Variants in NOX3 observed in about 807,000 individuals in gnomAD.
The protein encoded by NOX3 is NADPH oxidase 3.
Under a neutral mutation model 76.7 loss-of-function variants are expected in NOX3, and 74 were observed. The ratio of observed to expected loss-of-function variants is 0.96; its 90% CI spans 0.80 to 1.17. The LOEUF (loss-of-function observed/expected upper bound fraction) is 1.17. Ranked by LOEUF, NOX3 falls within the 50% of genes most tolerant of loss-of-function variation. NOX3 has a pLI of 0.00. For synonymous variants in NOX3, 263 were observed against 261.1 expected (o/e 1.01, Z -0.07); for missense variants, 695 against 703.3 (o/e 0.99, Z 0.13).
chr6:155,451,793 A>AT (rs1204703968), intron 4 of NOX3, among the ~76,000 whole-genome samples: 10 of 151,678 alleles, frequency 6.6e-5, no homozygotes, highest in Non-Finnish European at 1.2e-4. Flanking sequence ...CCCAGCTAAT[A>AT]TTTTTTGGAT....
chr6:155,408,749 A>C (rs113056221), intron 11 of NOX3, among the ~76,000 whole-genome samples: 1 of 152,188 alleles, frequency 6.6e-6, no homozygotes, highest in Non-Finnish European at 1.5e-5. Flanking sequence ...TGTTATATAC[A>C]TACTGTGGAA....
intron 12 of NOX3, among the ~76,000 whole-genome samples, chr6:155,405,060 C>T (rs1776427937): frequency 6.6e-6 from 1 of 152,134 alleles, no homozygotes; most frequent in Admixed American, 6.5e-5. Context: ...AAATAATATT[C>T]ACCAGAGAAG....
rs545073809 is a variant in NOX3, at chr6:155,449,402, G to A, written c.340+4002C>T. Among the ~76,000 whole-genome samples, 4 of 152,216 alleles carry A rather than the reference G, an allele frequency of 2.6e-5. No individual in the cohort carries two copies. The South Asian group carries it at 6.2e-4, about 24-fold the overall frequency. ...GGAAGGGTCTTCAAGGTCTGCTGTGGACCAGGGACTCCAGAAAGATCTGCA... is the reference window on the plus strand; with the variant it reads ...GGAAGGGTCTTCAAGGTCTGCTGTGAACCAGGGACTCCAGAAAGATCTGCA... On this transcript the variant is annotated intron_variant, in intron 4 of 13. Coordinates refer to ENST00000159060, the MANE Select transcript of NOX3 (RefSeq NM_015718.3).
At chr6:155,445,874 A>ATATATATATGCTATATATATATT (rs1562471972) in intron 4 of NOX3, among the ~76,000 whole-genome samples, 48 of 120,488 alleles carry the variant, frequency 4.0e-4, no homozygotes, top group African/African-American at 1.3e-3. Context: ...ATATACATAT[A>ATATATATATGCTATATATATATT]TATATATATA....
chr6:155,429,169 A>G (rs1776799624), intron 8 of NOX3, 122 bp from the exon 9 acceptor site: 1 of 939,884 alleles, frequency 1.1e-6, no homozygotes, highest in Non-Finnish European at 1.5e-6. Context: ...TACATATCCC[A>G]TCTGCTGTTA....
chr6:155,397,265 T>C (rs1582922274), intron 12 of NOX3, among the ~76,000 whole-genome samples: 1 of 152,084 alleles, frequency 6.6e-6, no homozygotes. Context: ...CACTTTACAA[T>C]GGCAGAGTTC....
rs1476816459 is a variant in NOX3 at position 155,454,668 on chromosome 6, T to C, written c.255+143A>G. On this transcript the variant is annotated intron_variant, in intron 3 of 13. Coordinates refer to ENST00000159060, the MANE Select transcript of NOX3 (RefSeq NM_015718.3). ...TGTACTGATTACCGTTTTTCTGTCT[T>C]AGCCTTTCTGTTATCTCTAACAAAG... 5.1e-6 allele frequency: 3 copies of C among 587,250 alleles called. No homozygotes were observed. The East Asian group carries it at 8.9e-5, about 18-fold the overall frequency. The allele number at this position is 587,250 out of a possible 1,614,324, so 36.4% of individuals were successfully genotyped here. A position where few individuals can be genotyped will look rare whatever the true frequency, so the allele number is the denominator to read the frequency against.
intron 9 of NOX3, among the ~76,000 whole-genome samples, chr6:155,424,536 G>A (rs1776732485): frequency 6.6e-6 from 1 of 152,214 alleles, no homozygotes; most frequent in Non-Finnish European, 1.5e-5. Flanking sequence ...GACACCGGAG[G>A]TTGGCCCATT....
Position 155,396,920 on chromosome 6 carries a change from C to T in NOX3, c.1623G>A (p.Ser541=), listed in dbSNP as rs181392269. 3.8e-5 allele frequency: 61 copies of T among 1,613,244 alleles called. No homozygotes were observed. The highest frequency in any genetic ancestry group is 4.7e-5 in the Non-Finnish European group (55 of 1,179,434). The change falls in exon 13 of 14, where the codon TCG becomes TCA. Residue 541 remains serine (S), a synonymous_variant. Coordinates refer to ENST00000159060, the MANE Select transcript of NOX3 (RefSeq NM_015718.3). ...AGTGGCACATCTTTTGAAGTGTCCT[C>T]GAGAGAGCTTTAGGTCCACAGAAGA... ...GVFFCGPKAL[S]RTLQKMCHLY...
chr6:155,439,489 A>T (rs954700011), intron 6 of NOX3, among the ~76,000 whole-genome samples: 1 of 152,184 alleles, frequency 6.6e-6, no homozygotes, highest in Non-Finnish European at 1.5e-5. Flanking sequence ...CACTCTGATA[A>T]CTGGTGTCAG....
chr6:155,415,474 GA>G (rs1439537438), intron 10 of NOX3, among the ~76,000 whole-genome samples: 1 of 151,762 alleles, frequency 6.6e-6, no homozygotes, highest in African/African-American at 2.4e-5. Context: ...GAATGAAACA[GA>G]AAAAAAATTA....
rs1189187598 is a variant in NOX3 at position 155,396,976 on chromosome 6, A to T, written c.1581-14T>A. The T allele has an allele frequency of 1.3e-6, 2 of 1,595,194 alleles. No homozygotes were observed. The highest frequency in any genetic ancestry group is 2.3e-5 in the South Asian group (2 of 87,626). On this transcript the variant is annotated splice_polypyrimidine_tract_variant and intron_variant, in intron 12 of 13. Transcript: ENST00000159060. Reference sequence around the variant, plus strand: ...CCAATACTGCTGCTGCAGTAGGGGTAAGAAAAGGAAATAAAATGTCACCAG... The same window carrying T: ...CCAATACTGCTGCTGCAGTAGGGGTTAGAAAAGGAAATAAAATGTCACCAG...
At chr6:155,408,996 C>T (rs1216396436) in intron 11 of NOX3, among the ~76,000 whole-genome samples, 2 of 152,120 alleles carry the variant, frequency 1.3e-5, no homozygotes, top group African/African-American at 2.4e-5. Context: ...AAAGAACCTA[C>T]TGGGTATGAT....
chr6:155,433,522 C>T (rs924642851), intron 7 of NOX3, among the ~76,000 whole-genome samples: 1 of 152,234 alleles, frequency 6.6e-6, no homozygotes, highest in African/African-American at 2.4e-5. Flanking sequence ...ATGTTCATAA[C>T]GTCCTGTTTT....
intron 4 of NOX3, among the ~76,000 whole-genome samples, chr6:155,449,154 C>G (rs890096704): frequency 1.3e-5 from 2 of 152,068 alleles, no homozygotes; most frequent in African/African-American, 2.4e-5. Flanking sequence ...TCTTTATTTT[C>G]TGGGCACCCT....
intron 13 of NOX3, among the ~76,000 whole-genome samples, chr6:155,396,169 C>A (rs977561673): frequency 2.6e-5 from 4 of 151,894 alleles, no homozygotes; most frequent in African/African-American, 9.7e-5. Flanking sequence ...TTGTTTGGAC[C>A]AGAAAAGGGA....
chr6:155,422,901 T>C (rs1469509872), intron 9 of NOX3, 45 bp from the exon 10 acceptor site: 2 of 1,603,520 alleles, frequency 1.2e-6, no homozygotes, highest in Admixed American at 1.7e-5. Context: ...TCAGAACACC[T>C]TGCTCGTGAA....
In NOX3 at chr6:155,440,046, T is replaced by C; in HGVS notation, c.578A>G (p.Glu193Gly). The change falls in exon 6 of 14, where the codon GAG becomes GGG. Residue 193 changes from glutamate (E) to glycine (G), a missense_variant. Coordinates refer to ENST00000159060, the MANE Select transcript of NOX3 (RefSeq NM_015718.3). ...ALVLIMTSSTEFIRQASYELF... is the reference protein window; with the variant it reads ...ALVLIMTSSTGFIRQASYELF... ...CTCATAGGAGGCCTGTCTGATGAAC[T>C]CAGTTGACGAGGTCATGATCAAGAC... is the stretch of plus-strand genomic sequence containing the variant. 1 of 1,614,002 alleles carries C rather than the reference T, an allele frequency of 6.2e-7. No individual in the cohort carries two copies. The highest frequency in any genetic ancestry group is 8.5e-7 in the Non-Finnish European group (1 of 1,179,966).
intron 4 of NOX3, 39 bp downstream of exon 4, chr6:155,453,365 G>A (rs1427204712): frequency 3.5e-6 from 5 of 1,422,004 alleles, no homozygotes; most frequent in Non-Finnish European, 5.0e-6. Context: ...TTAGGCATCA[G>A]ATATTGTAAA....
Sources: gnomAD v4.1 joint callset for allele counts (sites outside exome capture counted in the v4.1 genomes callset) on GRCh38, gnomAD v4.1.1 for gene constraint, MANE v1.5 for transcripts, NCBI Gene and HGNC (gene_info 2026-07-23, HGNC 2026-07-21) for gene names.